COL10A1: variants seen among roughly 807,000 people sequenced by gnomAD.
COL10A1 encodes the protein collagen alpha-1(X) chain.
A neutral mutation model predicts 18.2 loss-of-function variants in COL10A1; 10 were observed. The ratio of observed to expected loss-of-function variants is 0.55; its 90% CI spans 0.34 to 0.93. The LOEUF (loss-of-function observed/expected upper bound fraction) is 0.93, where lower values mean the gene tolerates loss of function less well. Ranked by LOEUF, COL10A1 falls within the 40% of genes least tolerant of loss-of-function variation. COL10A1 has a pLI of 0.02. For missense variants in COL10A1, 897 were observed against 853.5 expected (o/e 1.05, Z -0.64); for synonymous variants, 330 against 316.6 (o/e 1.04, Z -0.45).
At chr6:116,147,152 A>T (rs12203127) in intron 1 of COL10A1, among the ~76,000 whole-genome samples, 34,193 of 151,856 alleles carry the variant, frequency 0.23, 4,151 homozygotes, top group Middle Eastern at 0.35. Flanking sequence ...GATAAATGAC[A>T]AACTGGGACC....
At chr6:116,123,944 A>C (rs1779213205) in intron 2 of COL10A1, among the ~76,000 whole-genome samples, 1 of 152,156 alleles carries the variant, frequency 6.6e-6, no homozygotes, top group Admixed American at 6.5e-5. Context: ...GATTTTTGTG[A>C]TCATGGAAAC....
chr6:116,208,241 C>G, the COL10A1 span, among the ~76,000 whole-genome samples: 2 of 151,968 alleles, frequency 1.3e-5, no homozygotes, highest in Admixed American at 6.6e-5. Context: ...CTGCTTTGCC[C>G]GGAGGCATCC....
At chr6:116,188,453 A>C in the COL10A1 span, among the ~76,000 whole-genome samples, 1 of 152,076 alleles carries the variant, frequency 6.6e-6, no homozygotes, top group Non-Finnish European at 1.5e-5. Context: ...GTGACATTCT[A>C]TTCATCAATG....
the COL10A1 span, among the ~76,000 whole-genome samples, chr6:116,201,812 A>G: frequency 6.6e-6 from 1 of 151,994 alleles, no homozygotes; most frequent in East Asian, 1.9e-4. Flanking sequence ...AAGCCTTGGC[A>G]TGGTTTCATG....
the COL10A1 span, among the ~76,000 whole-genome samples, chr6:116,173,465 G>T: frequency 1.3e-5 from 2 of 152,260 alleles, no homozygotes; most frequent in Admixed American, 1.3e-4. Flanking sequence ...AATGAGAGAG[G>T]TAGGCAGCCT....
intron 1 of COL10A1, among the ~76,000 whole-genome samples, chr6:116,157,836 G>C (rs1366816798): frequency 6.6e-6 from 1 of 152,176 alleles, no homozygotes; most frequent in Non-Finnish European, 1.5e-5. Flanking sequence ...ACCTATTCAG[G>C]ATCCTTCTGA....
At chr6:116,129,149 T>C (rs1438456397), upstream of COL10A1, among the ~76,000 whole-genome samples, 1 of 152,160 alleles carries the variant, frequency 6.6e-6, no homozygotes, top group African/African-American at 2.4e-5. Flanking sequence ...AATGTCATCA[T>C]CGTATTAAAA....
chr6:116,139,487 A>AT (rs1779709167), intron 1 of COL10A1, among the ~76,000 whole-genome samples: 1 of 152,156 alleles, frequency 6.6e-6, no homozygotes, highest in South Asian at 2.1e-4. Context: ...GTACATTTTA[A>AT]TACACATTGT....
the COL10A1 span, among the ~76,000 whole-genome samples, chr6:116,205,599 TG>T: frequency 5.2e-3 from 796 of 151,704 alleles, 16 homozygotes; most frequent in South Asian, 0.046. Flanking sequence ...TGGAATAAAT[TG>T]GGGGGGAAAA....
At chr6:116,210,250 A>T in the COL10A1 span, among the ~76,000 whole-genome samples, 2 of 152,000 alleles carry the variant, frequency 1.3e-5, no homozygotes, top group Non-Finnish European at 2.9e-5. Flanking sequence ...ATAAATTTAT[A>T]TGTAAGGTTC....
chr6:116,160,194 G>A (rs1780295630), upstream of COL10A1, among the ~76,000 whole-genome samples: 1 of 152,078 alleles, frequency 6.6e-6, no homozygotes, highest in Admixed American at 6.6e-5. Context: ...TGCCCATAAT[G>A]TTTTCCAAAA....
At chr6:116,200,969 T>C in the COL10A1 span, among the ~76,000 whole-genome samples, 1 of 152,038 alleles carries the variant, frequency 6.6e-6, no homozygotes, top group African/African-American at 2.4e-5. Flanking sequence ...GTTCTCTGTT[T>C]AGTTTCTTTG....
At chr6:116,144,818 C>A (rs1397670487) in intron 1 of COL10A1, among the ~76,000 whole-genome samples, 3 of 152,088 alleles carry the variant, frequency 2.0e-5, no homozygotes, top group Non-Finnish European at 2.9e-5. Flanking sequence ...TTCACCACAT[C>A]CCAGCCACAA....
the COL10A1 span, among the ~76,000 whole-genome samples, chr6:116,181,084 CAG>C: frequency 6.6e-6 from 1 of 151,914 alleles, no homozygotes; most frequent in South Asian, 2.1e-4. Flanking sequence ...GACAACCTAA[CAG>C]AGGTACACGA....
At chr6:116,205,463 T>C in the COL10A1 span, among the ~76,000 whole-genome samples, 23 of 120,588 alleles carry the variant, frequency 1.9e-4, no homozygotes, top group Non-Finnish European at 3.1e-4. Flanking sequence ...TTCCCTGTTA[T>C]CTGGTAGGTT....
chr6:116,120,467 G>A lies in COL10A1; in HGVS notation c.1649C>T (p.Pro550Leu), dbSNP rs1409089722. The change falls in exon 3 of 3, where the codon CCT becomes CTT. Residue 550 changes from proline (P) to leucine (L), a missense_variant. Transcript: ENST00000651968. ...VSANQGVTGM[P>L]VSAFTVILSK... ...GAGAATAACAGTAAAAGCAGACACA[G>A]GCATTCCTGTTACCCCCTGGTTGGC... 2 of 1,614,252 alleles carry A rather than the reference G, an allele frequency of 1.2e-6. No individual in the cohort carries two copies. Among genetic ancestry groups the A allele is most frequent in the South Asian group, 2.2e-5 (2 of 91,084 alleles).
the COL10A1 span, among the ~76,000 whole-genome samples, chr6:116,189,403 T>A: frequency 1.3e-5 from 2 of 151,980 alleles, no homozygotes; most frequent in East Asian, 3.9e-4. Flanking sequence ...TTCGTAGTCT[T>A]GACATTTTAT....
the COL10A1 span, among the ~76,000 whole-genome samples, chr6:116,199,290 T>C: frequency 2.0e-5 from 3 of 152,110 alleles, no homozygotes; most frequent in African/African-American, 7.2e-5. Flanking sequence ...TTCCTTTTCT[T>C]ATAGGTTGTT....
the COL10A1 span, among the ~76,000 whole-genome samples, chr6:116,166,795 C>T: frequency 6.6e-6 from 1 of 151,998 alleles, no homozygotes; most frequent in Non-Finnish European, 1.5e-5. Flanking sequence ...AAAAATGGTT[C>T]CCTGATGTAA....
Sources: gnomAD v4.1 joint callset for allele counts (sites outside exome capture counted in the v4.1 genomes callset) on GRCh38, gnomAD v4.1.1 for gene constraint, MANE v1.5 for transcripts, NCBI Gene and HGNC (gene_info 2026-07-23, HGNC 2026-07-21) for gene names.